Variants in NEK7 observed in about 807,000 individuals in gnomAD.
The protein encoded by NEK7 is serine/threonine-protein kinase Nek7.
In NEK7, 18 loss-of-function variants were observed where a neutral mutation model predicts 44.6. The ratio of observed to expected loss-of-function variants is 0.40; its 90% confidence interval spans 0.28 to 0.60. The LOEUF (loss-of-function observed/expected upper bound fraction) is 0.60. NEK7 is among the 20% of genes least tolerant of loss of function. The probability of loss-of-function intolerance (pLI) is 0.38; values close to 1 mark genes in which losing one functional copy is unlikely to be tolerated. For missense variants in NEK7, 256 were observed against 366.5 expected (o/e 0.70, Z 2.46); for synonymous variants, 130 against 121.1 (o/e 1.07, Z -0.48).
intron 5 of NEK7, among the ~76,000 whole-genome samples, chr1:198,270,344 T>C (rs1558088067): frequency 6.6e-6 from 1 of 152,022 alleles, no homozygotes; most frequent in Non-Finnish European, 1.5e-5. Context: ...TTTTTAAAAA[T>C]TGTTTTGCTA....
At chr1:198,274,952 G>A (rs1443366015) in intron 5 of NEK7, among the ~76,000 whole-genome samples, 5 of 151,588 alleles carry the variant, frequency 3.3e-5, no homozygotes, top group Non-Finnish European at 5.9e-5. Context: ...ACGCAGATGG[G>A]TTTTACCAGA....
At chr1:198,294,654 A>T (rs1357967624) in intron 8 of NEK7, among the ~76,000 whole-genome samples, 1 of 152,108 alleles carries the variant, frequency 6.6e-6, no homozygotes, top group Non-Finnish European at 1.5e-5. Flanking sequence ...TCACATTTTG[A>T]ATTTGCCTTT....
At chr1:198,297,368 TTC>T (rs768082605) in intron 9 of NEK7, 128 bp downstream of exon 9, 23 of 1,164,602 alleles carry the variant, frequency 2.0e-5, no homozygotes, top group Non-Finnish European at 2.8e-5. Context: ...CACTTTTTAA[TTC>T]TGTTTTCATT....
intron 1 of NEK7, among the ~76,000 whole-genome samples, chr1:198,224,091 C>T (rs1461235502): frequency 6.6e-6 from 1 of 152,056 alleles, no homozygotes; most frequent in African/African-American, 2.4e-5. Context: ...AAATACTTCT[C>T]TTTTTTTCAC....
chr1:198,193,082 G>A (rs56801198), intron 1 of NEK7, among the ~76,000 whole-genome samples: 26,972 of 150,578 alleles, frequency 0.18, 2,674 homozygotes, highest in African/African-American at 0.24. Context: ...TAAAGAAGAA[G>A]ACAGAAGAAT....
chr1:198,179,842 C>T (rs533311307), intron 1 of NEK7, among the ~76,000 whole-genome samples: 1 of 151,960 alleles, frequency 6.6e-6, no homozygotes, highest in African/African-American at 2.4e-5. Context: ...TGTATGTGTG[C>T]AGACACGTGT....
intron 2 of NEK7, among the ~76,000 whole-genome samples, chr1:198,240,648 CTT>C (rs61213536): frequency 6.6e-6 from 1 of 151,766 alleles, no homozygotes; most frequent in African/African-American, 2.4e-5. Flanking sequence ...TCTTGGTATT[CTT>C]TTTTTTGACC....
intron 1 of NEK7, among the ~76,000 whole-genome samples, chr1:198,207,939 A>T (rs1185387991): frequency 1.3e-5 from 2 of 152,238 alleles, no homozygotes; most frequent in Non-Finnish European, 2.9e-5. Context: ...AGACATCCTA[A>T]TAGAACCCTT....
intron 9 of NEK7, among the ~76,000 whole-genome samples, chr1:198,315,207 G>A (rs879317770): frequency 4.6e-5 from 7 of 152,122 alleles, no homozygotes; most frequent in Non-Finnish European, 1.0e-4. Flanking sequence ...TCCAGGTGCC[G>A]TCTGTCACCC....
intron 1 of NEK7, among the ~76,000 whole-genome samples, chr1:198,230,110 A>C (rs897320533): frequency 2.6e-5 from 4 of 152,210 alleles, no homozygotes; most frequent in African/African-American, 9.6e-5. Context: ...TGACTCTTCA[A>C]GAGAGATTCA....
At chr1:198,279,118 A>G in intron 7 of NEK7, 57 bp downstream of exon 7, 1 of 1,049,826 alleles carries the variant, frequency 9.5e-7, no homozygotes, top group Non-Finnish European at 1.5e-6. Context: ...ATTAAAAGAT[A>G]AGAGGTATAC....
chr1:198,307,182 T>C (rs1427767376), intron 9 of NEK7, among the ~76,000 whole-genome samples: 1 of 152,130 alleles, frequency 6.6e-6, no homozygotes, highest in East Asian at 1.9e-4. Flanking sequence ...TTTCTGCTTA[T>C]AAGGGGGAAA....
intron 1 of NEK7, among the ~76,000 whole-genome samples, chr1:198,176,670 G>A (rs892226474): frequency 6.6e-6 from 1 of 152,052 alleles, no homozygotes; most frequent in East Asian, 1.9e-4. Context: ...GATTTTAATA[G>A]TAGCAAGGAT....
intron 9 of NEK7, among the ~76,000 whole-genome samples, chr1:198,303,374 TTTTG>T (rs1654941285): frequency 6.6e-6 from 1 of 152,076 alleles, no homozygotes; most frequent in African/African-American, 2.4e-5. Context: ...TATAAATAAT[TTTTG>T]TTTATTTTAA....
At chr1:198,248,453 A>G (rs1204394364) in intron 2 of NEK7, among the ~76,000 whole-genome samples, 1 of 152,214 alleles carries the variant, frequency 6.6e-6, no homozygotes, top group Non-Finnish European at 1.5e-5. Context: ...CCAATATCTT[A>G]TAATTATTTC....
intron 1 of NEK7, among the ~76,000 whole-genome samples, chr1:198,183,906 AT>A (rs912821832): frequency 5.9e-5 from 9 of 152,000 alleles, no homozygotes; most frequent in African/African-American, 1.4e-4. Context: ...TGTAAAAACA[AT>A]TTTTTTTCTT....
intron 1 of NEK7, among the ~76,000 whole-genome samples, chr1:198,163,272 T>G (rs1664162886): frequency 6.6e-6 from 1 of 152,058 alleles, no homozygotes; most frequent in South Asian, 2.1e-4. Context: ...GTGGGAAGAT[T>G]GCTTGAGACC....
Position 198,211,385 on chromosome 1 carries a change from C to T in NEK7, c.-28-21168C>T, listed in dbSNP as rs1665765754. Among the ~76,000 whole-genome samples, 3 of 152,188 alleles carry T rather than the reference C, an allele frequency of 2.0e-5. No homozygotes were observed. The South Asian group carries it at 6.2e-4, about 32-fold the overall frequency. ...AAGAATGAAATATGAAAACCCTATA[C>T]ACAATTCTCTTTTCCATTGATTACA... On this transcript the variant is annotated intron_variant, in intron 1 of 9. Transcript: ENST00000367385.
At chr1:198,184,905 C>T (rs549777051) in intron 1 of NEK7, among the ~76,000 whole-genome samples, 13 of 151,790 alleles carry the variant, frequency 8.6e-5, no homozygotes, top group Non-Finnish European at 1.5e-4. Context: ...GACAAGGTCT[C>T]GCTATGTTGC....
Sources: gnomAD v4.1 joint callset for allele counts (sites outside exome capture counted in the v4.1 genomes callset) on GRCh38, gnomAD v4.1.1 for gene constraint, MANE v1.5 for transcripts, NCBI Gene and HGNC (gene_info 2026-07-23, HGNC 2026-07-21) for gene names.